The following PCDH9 variants were observed in gnomAD, a reference collection of about 807,000 sequenced individuals.
PCDH9 encodes protocadherin 9, also known as protocadherin-9.
PCDH9 carries 24 observed loss-of-function variants against 70.6 expected under a neutral mutation model. That is an observed-to-expected ratio of 0.34 (90% confidence interval 0.25 to 0.48). The LOEUF (loss-of-function observed/expected upper bound fraction) is 0.48, where lower values mean the gene tolerates loss of function less well. Among genes scored for constraint, PCDH9 ranks in the 20% least tolerant of loss-of-function variants. The probability of loss-of-function intolerance (pLI) is 0.99; values close to 1 mark genes in which losing one functional copy is unlikely to be tolerated. For missense variants in PCDH9, 1,281 were observed against 1,503.6 expected (o/e 0.85, Z 2.45); for synonymous variants, 562 against 558.5 (o/e 1.01, Z -0.09).
chr13:67,094,537 T>C (rs1220496286), intron 2 of PCDH9, among the ~76,000 whole-genome samples: 1 of 152,186 alleles, frequency 6.6e-6, no homozygotes. Flanking sequence ...TTCTCAAATG[T>C]TGGTAATAAG....
At chr13:66,458,904 G>A (rs1958368877) in intron 4 of PCDH9, among the ~76,000 whole-genome samples, 1 of 151,926 alleles carries the variant, frequency 6.6e-6, no homozygotes, top group African/African-American at 2.4e-5. Flanking sequence ...TCTGCAGGAG[G>A]TGGTAATGTT....
At chr13:66,683,476 A>C (rs1342543338) in intron 3 of PCDH9, among the ~76,000 whole-genome samples, 1 of 152,208 alleles carries the variant, frequency 6.6e-6, no homozygotes, top group Non-Finnish European at 1.5e-5. Context: ...TAGCTACTGC[A>C]AGAACCCTCT....
chr13:66,929,922 A>G (rs568701441), intron 2 of PCDH9, among the ~76,000 whole-genome samples: 17 of 152,258 alleles, frequency 1.1e-4, no homozygotes, highest in African/African-American at 3.8e-4. Flanking sequence ...CCAGTGATGT[A>G]TAATCTAGTC....
chr13:66,420,355 T>C (rs777574991), intron 4 of PCDH9, among the ~76,000 whole-genome samples: 1 of 152,190 alleles, frequency 6.6e-6, no homozygotes, highest in East Asian at 1.9e-4. Context: ...AGTGGGTCGC[T>C]GACCCCTGTG....
chr13:67,064,445 G>A lies in PCDH9; in HGVS notation c.3037-160840C>T, dbSNP rs1424994756. ...ACAAACAGAGGAAATTATTTAAATG[G>A]TATAAAATAATAAGGAATAACTATT... On this transcript the variant is annotated intron_variant, in intron 2 of 4. Coordinates refer to ENST00000377865, the MANE Select transcript of PCDH9 (RefSeq NM_203487.3). Among the ~76,000 whole-genome samples, 3 of 152,030 alleles carry A rather than the reference G, an allele frequency of 2.0e-5. No homozygotes were observed. In the East Asian group the frequency reaches 5.8e-4, roughly 29 times the overall value.
intron 2 of PCDH9, among the ~76,000 whole-genome samples, chr13:66,928,224 G>C (rs974685634): frequency 1.3e-5 from 2 of 152,164 alleles, no homozygotes; most frequent in Non-Finnish European, 2.9e-5. Context: ...ATATGAAAGA[G>C]AAATATTCTG....
intron 4 of PCDH9, among the ~76,000 whole-genome samples, chr13:66,440,215 C>A (rs572096953): frequency 6.6e-6 from 1 of 152,088 alleles, no homozygotes; most frequent in African/African-American, 2.4e-5. Context: ...AACAATTCTA[C>A]GGAAACATTT....
At chr13:67,225,130 T>G (rs1431841670) in intron 2 of PCDH9, 3 of 1,320,426 alleles carry the variant, frequency 2.3e-6, no homozygotes, top group Non-Finnish European at 2.9e-6. Flanking sequence ...TCAGCAAACA[T>G]TATCTTGGGA....
chr13:66,637,063 CAATT>C (rs2077647807), intron 3 of PCDH9, among the ~76,000 whole-genome samples: 1 of 151,998 alleles, frequency 6.6e-6, no homozygotes, highest in Non-Finnish European at 1.5e-5. Flanking sequence ...TATAAGAACA[CAATT>C]TAATTGTAAT....
At chr13:66,974,004 A>G (rs1167580377) in intron 2 of PCDH9, among the ~76,000 whole-genome samples, 1 of 151,972 alleles carries the variant, frequency 6.6e-6, no homozygotes, top group Admixed American at 6.6e-5. Context: ...CTGGAACATG[A>G]TACATTACAG....
intron 2 of PCDH9, chr13:67,219,579 C>G (rs982623069): frequency 6.6e-6 from 1 of 151,944 alleles, no homozygotes; most frequent in African/African-American, 2.4e-5. Flanking sequence ...TTTTATGCCT[C>G]CATGAAACTT....
In PCDH9 at chr13:67,226,184, C is replaced by T. The variant is rs751309112; in HGVS notation, c.2257G>A (p.Val753Ile). 4 of 1,614,016 alleles carry T rather than the reference C, an allele frequency of 2.5e-6. No individual in the cohort carries two copies. Among genetic ancestry groups the T allele is most frequent in the South Asian group, 1.1e-5 (1 of 91,082 alleles). The part of the protein sequence containing the change: ...PTDVGLHRLV[V>I]NISDLGYPKS... Reference sequence around the variant, plus strand: ...GGGTACCCCAGGTCACTTATGTTGACCACCAAACGATGCAATCCCACATCA... The same window carrying T: ...GGGTACCCCAGGTCACTTATGTTGATCACCAAACGATGCAATCCCACATCA... The change falls in exon 2 of 5, where the codon GTC (valine) becomes ATC (isoleucine). Residue 753 changes from valine to isoleucine, a missense_variant. Around this residue, in one of 4 missense-constraint regions of PCDH9, gnomAD observed 798 missense variants for 1,003.1 expected, o/e 0.80. Transcript: ENST00000377865. This position sits in a 1 kb window ranked among gnomAD's most constrained non-coding sequence, Gnocchi z 5.0.
intron 4 of PCDH9, among the ~76,000 whole-genome samples, chr13:66,441,025 G>C (rs1047952545): frequency 3.3e-5 from 5 of 152,092 alleles, no homozygotes; most frequent in Non-Finnish European, 7.4e-5. Context: ...TGTCTTTATT[G>C]AATTTTAATG....
At chr13:67,178,007 A>G (rs2088510371) in intron 2 of PCDH9, among the ~76,000 whole-genome samples, 1 of 152,084 alleles carries the variant, frequency 6.6e-6, no homozygotes, top group South Asian at 2.1e-4. Flanking sequence ...CCAACTGCCC[A>G]AGCCTGGCAT....
At chr13:66,783,732 G>A (rs1369300651) in intron 3 of PCDH9, among the ~76,000 whole-genome samples, 1 of 152,018 alleles carries the variant, frequency 6.6e-6, no homozygotes. Context: ...ACTCAGCAAT[G>A]CATAATGTTT....
chr13:67,177,265 C>A (rs1010561387), intron 2 of PCDH9, among the ~76,000 whole-genome samples: 1 of 151,958 alleles, frequency 6.6e-6, no homozygotes, highest in African/African-American at 2.4e-5. Context: ...AATGAAACCC[C>A]CCTGCCACCT....
rs36087870 is a variant in PCDH9 at position 66,708,403 on chromosome 13, GT to G, written c.3139-76993del. ...ACTTTCAAGTGTACTTTGAGATTTA[GT>G]TTTTTTTTTTTTTTTTCTTTCTTAG... On this transcript the variant is annotated intron_variant, in intron 3 of 4. Transcript: ENST00000377865. Among the ~76,000 whole-genome samples, 462 of 136,988 alleles carry G rather than the reference GT, an allele frequency of 3.4e-3. 4 individuals carry two copies. The highest frequency in any genetic ancestry group is 0.011 in the African/African-American group (390 of 37,056). The allele number at this position is 136,988 out of a possible 152,430, so 89.9% of individuals were successfully genotyped here.
chr13:66,766,598 G>A (rs150263353), intron 3 of PCDH9, among the ~76,000 whole-genome samples: 1 of 151,846 alleles, frequency 6.6e-6, no homozygotes, highest in Non-Finnish European at 1.5e-5. Flanking sequence ...TAAGAATAAG[G>A]AGGTGGAAGG....
intron 4 of PCDH9, among the ~76,000 whole-genome samples, chr13:66,447,564 AATCT>A (rs1958120004): frequency 6.6e-6 from 1 of 152,124 alleles, no homozygotes; most frequent in Non-Finnish European, 1.5e-5. Context: ...TGTGCGATTA[AATCT>A]ATCTGTGGCA....
Sources: gnomAD v4.1 joint callset for allele counts (sites outside exome capture counted in the v4.1 genomes callset) on GRCh38, gnomAD v4.1.1 for gene constraint, gnomAD v4.1.1 regional missense constraint, Gnocchi (gnomAD v3.1) non-coding constraint, MANE v1.5 for transcripts, NCBI Gene and HGNC (gene_info 2026-07-23, HGNC 2026-07-21) for gene names.